ZFHX3: variants seen among roughly 807,000 people sequenced by gnomAD.
ZFHX3 encodes zinc finger homeobox 3, also known as zinc finger homeobox protein 3.
ZFHX3 carries 42 observed loss-of-function variants against 279.1 expected under a neutral mutation model. The observed-to-expected ratio is 0.15, with a 90% CI of 0.12 to 0.19. The LOEUF is 0.19. Among genes scored for constraint, ZFHX3 ranks in the 10% least tolerant of loss-of-function variants. ZFHX3 has a pLI of 1.00. For synonymous variants in ZFHX3, 2,293 were observed against 1,957.8 expected (o/e 1.17, Z -4.52); for missense variants, 4,981 against 4,754.0 (o/e 1.05, Z -1.40).
chr16:72,861,879 G>A (rs1214922005), intron 4 of ZFHX3, among the ~76,000 whole-genome samples: 1 of 152,098 alleles, frequency 6.6e-6, no homozygotes, highest in Non-Finnish European at 1.5e-5. Flanking sequence ...GCCGGGTGTG[G>A]TGGCATGAGC....
chr16:73,496,402 G>A (rs552701049), intron 2 of ZFHX3, among the ~76,000 whole-genome samples: 125 of 152,292 alleles, frequency 8.2e-4, no homozygotes, highest in African/African-American at 2.7e-3. Flanking sequence ...ATGGTGGTGC[G>A]TGCCTGTAAT....
chr16:73,388,131 C>G (rs1332739661), intron 3 of ZFHX3, among the ~76,000 whole-genome samples: 2 of 152,122 alleles, frequency 1.3e-5, no homozygotes, highest in African/African-American at 2.4e-5. Context: ...GCAGGCTATT[C>G]TTGCCCTCTC....
chr16:73,858,857 G>A (rs1464295248), intron 1 of ZFHX3, among the ~76,000 whole-genome samples: 2 of 152,202 alleles, frequency 1.3e-5, no homozygotes, highest in African/African-American at 2.4e-5. Flanking sequence ...TGTAAGATGT[G>A]AAGGAGAGGA....
rs1348361466 is a variant in ZFHX3, at chr16:72,787,314, C to G, written c.10962G>C (p.Ser3654=). 1.2e-6 allele frequency: 2 copies of G among 1,613,854 alleles called. No homozygotes were observed. The highest frequency in any genetic ancestry group is 1.7e-5 in the Admixed American group (1 of 59,998). ...CCTCCGAATAGTCGTCTGTTGGCAT[C>G]GAGGGCTGAACCCCTGAGGTGCTGC... is the stretch of plus-strand genomic sequence containing the variant. The part of the protein sequence containing the change: ...SSCSTSGVQP[S]MPTDDYSEES... Residue 3654 remains serine, a synonymous_variant, in exon 10 of 10, where the codon TCG becomes TCC. Coordinates refer to ENST00000268489, the MANE Select transcript of ZFHX3 (RefSeq NM_006885.4).
At chr16:73,691,596 A>G (rs891734082) in intron 1 of ZFHX3, among the ~76,000 whole-genome samples, 2 of 152,216 alleles carry the variant, frequency 1.3e-5, no homozygotes, top group African/African-American at 4.8e-5. Flanking sequence ...CCGATAATCG[A>G]TATCATATAA....
intron 4 of ZFHX3, among the ~76,000 whole-genome samples, chr16:73,318,057 G>A (rs1180376756): frequency 6.6e-6 from 1 of 152,170 alleles, no homozygotes; most frequent in African/African-American, 2.4e-5. Flanking sequence ...TGCCAAACCA[G>A]AAGTGCACAT....
At chr16:73,072,388 G>A (rs556851746) in intron 8 of ZFHX3, among the ~76,000 whole-genome samples, 4 of 149,174 alleles carry the variant, frequency 2.7e-5, no homozygotes, top group African/African-American at 7.4e-5. Context: ...AAGTTGCAGT[G>A]AGCCGAGATC....
chr16:73,682,928 AAG>A (rs2053034544), intron 1 of ZFHX3, among the ~76,000 whole-genome samples: 2 of 22,108 alleles, frequency 9.0e-5, no homozygotes, highest in Non-Finnish European at 1.9e-4. Context: ...GAGAAAGAGA[AAG>A]AAAGAAAGAA....
At chr16:73,461,262 T>G (rs1327651274) in intron 2 of ZFHX3, among the ~76,000 whole-genome samples, 1 of 152,214 alleles carries the variant, frequency 6.6e-6, no homozygotes, top group Non-Finnish European at 1.5e-5. Flanking sequence ...TTTATGTTCT[T>G]ACTGTTGAGT....
At chr16:72,865,204 G>A (rs892817779) in intron 4 of ZFHX3, among the ~76,000 whole-genome samples, 1 of 152,206 alleles carries the variant, frequency 6.6e-6, no homozygotes, top group Non-Finnish European at 1.5e-5. Flanking sequence ...AGTATTTATG[G>A]ATGACTTCCA....
At chr16:73,755,145 C>T (rs896396043) in intron 1 of ZFHX3, among the ~76,000 whole-genome samples, 3 of 152,052 alleles carry the variant, frequency 2.0e-5, no homozygotes, top group African/African-American at 7.2e-5. Flanking sequence ...CTTTAGATCC[C>T]GCTTGCTTAA....
At chr16:73,570,691 T>C (rs2051726387) in intron 2 of ZFHX3, among the ~76,000 whole-genome samples, 1 of 152,188 alleles carries the variant, frequency 6.6e-6, no homozygotes, top group South Asian at 2.1e-4. Flanking sequence ...GGATTGGTTT[T>C]CATTAACTTG....
chr16:72,896,687 T>A (rs1024206394), intron 3 of ZFHX3, among the ~76,000 whole-genome samples: 2 of 152,198 alleles, frequency 1.3e-5, no homozygotes, highest in Admixed American at 6.5e-5. Flanking sequence ...CAGGGAAAAC[T>A]AACCAACTTC....
intron 1 of ZFHX3, among the ~76,000 whole-genome samples, chr16:73,759,417 T>C (rs929082611): frequency 1.3e-5 from 2 of 152,162 alleles, no homozygotes; most frequent in African/African-American, 4.8e-5. Flanking sequence ...GGCCAGATTT[T>C]AGTCACATGA....
At chr16:73,723,570 A>G (rs980079799) in intron 1 of ZFHX3, among the ~76,000 whole-genome samples, 1 of 152,212 alleles carries the variant, frequency 6.6e-6, no homozygotes, top group African/African-American at 2.4e-5. Context: ...AAAAAATGAG[A>G]AGGATATACA....
chr16:73,595,848 C>T (rs1324741613), intron 2 of ZFHX3, among the ~76,000 whole-genome samples: 2 of 152,156 alleles, frequency 1.3e-5, no homozygotes, highest in South Asian at 2.1e-4. Flanking sequence ...ACCTTCCTCT[C>T]CCTCACCTCT....
intron 3 of ZFHX3, among the ~76,000 whole-genome samples, chr16:72,929,734 A>C (rs138431549): frequency 1.3e-5 from 2 of 152,328 alleles, no homozygotes; most frequent in East Asian, 3.9e-4. Context: ...TCATTAACCG[A>C]AACACATTAA....
intron 2 of ZFHX3, among the ~76,000 whole-genome samples, chr16:73,662,968 T>C (rs1363327368): frequency 6.6e-6 from 1 of 152,204 alleles, no homozygotes; most frequent in Non-Finnish European, 1.5e-5. Context: ...TGTAAATCTT[T>C]CTTCAAAGCT....
chr16:73,594,353 G>T (rs944191671), intron 2 of ZFHX3, among the ~76,000 whole-genome samples: 1 of 152,086 alleles, frequency 6.6e-6, no homozygotes, highest in Non-Finnish European at 1.5e-5. Context: ...AAATGGGAAG[G>T]CTCAATAGAT....
Sources: allele counts gnomAD v4.1 joint callset (sites outside exome capture counted in the v4.1 genomes callset), GRCh38; gene constraint gnomAD v4.1.1; transcripts MANE v1.5; gene names NCBI Gene and HGNC (gene_info 2026-07-23, HGNC 2026-07-21).